The following STX1A variants were observed in gnomAD, a reference collection of about 807,000 sequenced individuals.
The protein encoded by STX1A is syntaxin 1A, also known as syntaxin-1A.
Under a neutral mutation model 37.8 loss-of-function variants are expected in STX1A, and 4 were observed. The observed-to-expected ratio is 0.11, with a 90% confidence interval of 0.05 to 0.24. STX1A has a LOEUF of 0.24. Among genes scored for constraint, STX1A ranks in the 10% least tolerant of loss-of-function variants. The probability of loss-of-function intolerance (pLI) is 1.00; values close to 1 mark genes in which losing one functional copy is unlikely to be tolerated. For synonymous variants in STX1A, 135 were observed against 147.4 expected, an observed-to-expected ratio of 0.92 and a Z score of 0.61; for missense variants, 251 against 399.9, an observed-to-expected ratio of 0.63 and a Z score of 3.18.
At chr7:73,704,091 C>T in intron 6 of STX1A, 57 bp downstream of exon 6, 1 of 1,519,858 alleles carries the variant, frequency 6.6e-7, no homozygotes, top group Non-Finnish European at 8.9e-7. Flanking sequence ...CAGCAGCAGA[C>T]TCGGGCCCCG....
rs562677365 is a variant in STX1A at position 73,716,987 on chromosome 7, G to A, written c.30+2615C>T. 2.4e-4 allele frequency among the ~76,000 whole-genome samples: 37 copies of A among 152,244 alleles called. No homozygotes were observed. In the South Asian group the frequency reaches 4.8e-3, roughly 20 times the overall value. Reference sequence around the variant, plus strand: ...TCTGAGGGACTGCGACAGCATTGAGGCCCCCTGGCTAGTCCCCAGTGACCC... The same window carrying A: ...TCTGAGGGACTGCGACAGCATTGAGACCCCCTGGCTAGTCCCCAGTGACCC... On this transcript the variant is annotated intron_variant, in intron 1 of 9. Coordinates refer to ENST00000222812, the MANE Select transcript of STX1A (RefSeq NM_004603.4).
intron 1 of STX1A, among the ~76,000 whole-genome samples, chr7:73,715,442 CA>C (rs1381441764): frequency 1.3e-5 from 2 of 151,846 alleles, no homozygotes; most frequent in African/African-American, 4.8e-5. Flanking sequence ...AAAAAACCAA[CA>C]AAAAACACCA....
intron 1 of STX1A, among the ~76,000 whole-genome samples, chr7:73,718,587 GACTC>G (rs1471649939): frequency 6.6e-6 from 1 of 152,028 alleles, no homozygotes; most frequent in Non-Finnish European, 1.5e-5. Context: ...GACCAGATGA[GACTC>G]AATCTAGTCT....
At chr7:73,707,792 G>A (rs1168306750) in intron 3 of STX1A, among the ~76,000 whole-genome samples, 3 of 151,934 alleles carry the variant, frequency 2.0e-5, no homozygotes, top group Admixed American at 6.6e-5. Context: ...AAAATTAGCC[G>A]GGCGTGGTGG....
chr7:73,710,094 GC>G (rs1200455172), intron 1 of STX1A, among the ~76,000 whole-genome samples: 1 of 152,200 alleles, frequency 6.6e-6, no homozygotes, highest in Non-Finnish European at 1.5e-5. Context: ...CCTGGGCCCA[GC>G]AGGCACAAGG....
In STX1A at chr7:73,700,534, G is replaced by A. The variant is rs1374479553; in HGVS notation, c.790-50C>T. 6.2e-7 allele frequency: 1 copy of A among 1,601,352 alleles called. No individual in the cohort carries two copies. Among genetic ancestry groups the A allele is most frequent in the South Asian group, 1.1e-5 (1 of 89,970 alleles). ...GCCTCAGACAGTGTTGGCGGCAGGT[G>A]GGGTGGGACTATGGCAAAGGCTGAG... On this transcript the variant is annotated intron_variant, in intron 9 of 9. Transcript: ENST00000222812. This position sits in a 1 kb window ranked among gnomAD's most constrained non-coding sequence, Gnocchi z 4.4.
chr7:73,715,042 T>C (rs1554618498), intron 1 of STX1A, among the ~76,000 whole-genome samples: 1 of 151,834 alleles, frequency 6.6e-6, no homozygotes, highest in East Asian at 1.9e-4. Flanking sequence ...GGAGAATCAC[T>C]TGAACCTGGG....
At position 73,708,679 on chromosome 7, in the gene STX1A, T is replaced by C; in HGVS notation, c.118A>G (p.Ile40Val). Residue 40 changes from isoleucine (I) to valine (V), a missense_variant, in exon 3 of 10, where the codon ATT becomes GTT. Around this residue, in one of 2 missense-constraint regions of STX1A, gnomAD observed 214 missense variants for 367.6 expected, o/e 0.58. Transcript: ENST00000222812. Reference protein sequence around the residue: ...MDEFFEQVEEIRGFIDKIAEN... With the variant: ...MDEFFEQVEEVRGFIDKIAEN... ...GCGATCTTGTCAATGAAGCCTCGAATCTCCTCCACCTGCGGACCAAGGCCA... is the reference window on the plus strand; with the variant it reads ...GCGATCTTGTCAATGAAGCCTCGAACCTCCTCCACCTGCGGACCAAGGCCA... The C allele has an allele frequency of 6.2e-7, 1 of 1,613,904 alleles. No homozygotes were observed. The highest frequency in any genetic ancestry group is 8.5e-7 in the Non-Finnish European group (1 of 1,179,936).
rs539295049 is a variant in STX1A at position 73,713,691 on chromosome 7, T to C, written c.31-4569A>G. On this transcript the variant is annotated intron_variant, in intron 1 of 9. Coordinates refer to ENST00000222812, the MANE Select transcript of STX1A (RefSeq NM_004603.4). Reference sequence around the variant, plus strand: ...GCTGCAGTGAGCTATGATCGTGCCATTGCACTCCAGCTTAGGTGACAGAGC... The same window carrying C: ...GCTGCAGTGAGCTATGATCGTGCCACTGCACTCCAGCTTAGGTGACAGAGC... Among the ~76,000 whole-genome samples, 4 of 152,276 alleles carry C rather than the reference T, an allele frequency of 2.6e-5. No homozygotes were observed. The East Asian group carries it at 7.7e-4, about 29-fold the overall frequency.
chr7:73,707,392 T>C (rs1554617154), intron 3 of STX1A, among the ~76,000 whole-genome samples: 1 of 152,154 alleles, frequency 6.6e-6, no homozygotes, highest in Non-Finnish European at 1.5e-5. Context: ...CATGGCCAGG[T>C]GCCAGGGCTG....
chr7:73,719,150 C>A (rs1299914902), intron 1 of STX1A, among the ~76,000 whole-genome samples: 1 of 151,790 alleles, frequency 6.6e-6, no homozygotes, highest in Non-Finnish European at 1.5e-5. Context: ...CCACCGCGGT[C>A]CCCTCGTCTG....
rs938047387 is a variant in STX1A, at chr7:73,717,878, G to T, written c.30+1724C>A. Among the ~76,000 whole-genome samples, 2 of 152,188 alleles carry T rather than the reference G, an allele frequency of 1.3e-5. No individual in the cohort carries two copies. Among genetic ancestry groups the T allele is most frequent in the Non-Finnish European group, 2.9e-5 (2 of 68,030 alleles). On this transcript the variant is annotated intron_variant, in intron 1 of 9. Coordinates refer to ENST00000222812, the MANE Select transcript of STX1A (RefSeq NM_004603.4). The surrounding 1 kb of genome is among the most constrained non-coding windows in gnomAD (Gnocchi z 4.1). ...AGGCCTGAGTCTGACTATCTTCAGG[G>T]ATGAGGCAAAGCCCTTTTCTACCAC...
At position 73,704,933 on chromosome 7, in the gene STX1A, G is replaced by A. The variant is rs1798817445; in HGVS notation, c.283+217C>T. The A allele has an allele frequency of 1.5e-5, 9 of 606,364 alleles. No homozygotes were observed. The highest frequency in any genetic ancestry group is 2.8e-5 in the East Asian group (1 of 36,098). 37.6% of individuals were successfully genotyped at this position (606,364 alleles called of 1,614,324 possible). Reference sequence around the variant, plus strand: ...CCCATCCAGAGTGGAGCCCTCCCTCGCCAAAGCCTTAGGTGGGTGTGTCCC... The same window carrying A: ...CCCATCCAGAGTGGAGCCCTCCCTCACCAAAGCCTTAGGTGGGTGTGTCCC... On this transcript the variant is annotated intron_variant, in intron 4 of 9. Transcript: ENST00000222812.
chr7:73,718,627 C>T (rs781923879), intron 1 of STX1A, among the ~76,000 whole-genome samples: 4 of 151,894 alleles, frequency 2.6e-5, no homozygotes, highest in Admixed American at 6.6e-5. Context: ...CCCCCCTCCC[C>T]GACACACCCA....
intron 4 of STX1A, 164 bp downstream of exon 4, chr7:73,704,986 C>T (rs1484629139): frequency 2.2e-5 from 16 of 733,526 alleles, no homozygotes; most frequent in Non-Finnish European, 3.6e-5. Flanking sequence ...CTGGCACCAA[C>T]GGGCCTTGCC....
intron 2 of STX1A, 78 bp downstream of exon 2, chr7:73,708,967 C>T: frequency 6.5e-7 from 1 of 1,528,318 alleles, no homozygotes; most frequent in South Asian, 1.1e-5. Flanking sequence ...TGAAAGAGCA[C>T]TGAACCTGGC....
At chr7:73,712,519 A>G (rs1396474848) in intron 1 of STX1A, among the ~76,000 whole-genome samples, 1 of 151,788 alleles carries the variant, frequency 6.6e-6, no homozygotes, top group Non-Finnish European at 1.5e-5. Context: ...CGCCATTCAC[A>G]TTCCTATTGG....
At chr7:73,711,880 C>T (rs1554618028) in intron 1 of STX1A, among the ~76,000 whole-genome samples, 1 of 152,198 alleles carries the variant, frequency 6.6e-6, no homozygotes, top group East Asian at 1.9e-4. Context: ...CTCTTGACCT[C>T]AGCTTGCCCA....
chr7:73,701,064 T>C (rs1479037692), intron 8 of STX1A: 4 of 813,438 alleles, frequency 4.9e-6, no homozygotes, highest in Non-Finnish European at 7.6e-6. Flanking sequence ...GCAGCAATCC[T>C]GGGGGTGGAG....
Sources: gnomAD v4.1 joint callset for allele counts (sites outside exome capture counted in the v4.1 genomes callset) on GRCh38, gnomAD v4.1.1 for gene constraint, gnomAD v4.1.1 regional missense constraint, Gnocchi (gnomAD v3.1) non-coding constraint, MANE v1.5 for transcripts, NCBI Gene and HGNC (gene_info 2026-07-23, HGNC 2026-07-21) for gene names.